DACH2: variants seen among roughly 807,000 people sequenced by gnomAD.
The protein encoded by DACH2 is dachshund homolog 2.
A neutral mutation model predicts 35.8 loss-of-function variants in DACH2; 17 were observed. The observed-to-expected ratio is 0.48, with a 90% CI of 0.33 to 0.71. DACH2 has a LOEUF of 0.71. Ranked by LOEUF, DACH2 falls within the 30% of genes least tolerant of loss-of-function variation. The pLI is 0.02. For synonymous variants in DACH2, 195 were observed against 177.3 expected (o/e 1.10, Z -0.79); for missense variants, 469 against 472.7 (o/e 0.99, Z 0.07).
chrX:86,640,669 A>C (rs1355914339), intron 3 of DACH2, among the ~76,000 whole-genome samples: 2 of 111,053 alleles, frequency 1.8e-5, no homozygotes, highest in East Asian at 5.7e-4. Flanking sequence ...CATGAACTAC[A>C]GCAAGCACTC....
In DACH2 at chrX:86,453,827, G is replaced by C. The variant is rs142645782; in HGVS notation, c.528-60452G>C. On this transcript the variant is annotated intron_variant, in intron 2 of 11. Coordinates refer to ENST00000373125, the MANE Select transcript of DACH2 (RefSeq NM_053281.3). ...CTCATGTACCTTTACAGTTAGTATT[G>C]TTATGTGTGAATTTGAAACTTGTTT... 2.5e-4 allele frequency among the ~76,000 whole-genome samples: 28 copies of C among 110,977 alleles called. 1 individual carries two copies. The East Asian group carries it at 7.1e-3, about 28-fold the overall frequency.
chrX:86,618,852 G>C, intron 3 of DACH2, among the ~76,000 whole-genome samples: 1 of 111,531 alleles, frequency 9.0e-6, no homozygotes, highest in East Asian at 2.8e-4. Flanking sequence ...TGAGAATTTG[G>C]GGAAGGAAGA....
At chrX:86,224,522 C>A (rs1456660431) in intron 1 of DACH2, among the ~76,000 whole-genome samples, 1 of 111,139 alleles carries the variant, frequency 9.0e-6, no homozygotes, top group African/African-American at 3.3e-5. Context: ...ATAGCCATCC[C>A]TATTCTTTTA....
intron 1 of DACH2, among the ~76,000 whole-genome samples, chrX:86,358,431 CCACACACACA>C (rs752012562): frequency 0.017 from 1,531 of 87,501 alleles, 14 homozygotes; most frequent in East Asian, 0.039. Context: ...CCCAGCCCCG[CCACACACACA>C]CACACACACA....
At chrX:86,464,492 G>A (rs2037631023) in intron 2 of DACH2, among the ~76,000 whole-genome samples, 1 of 110,422 alleles carries the variant, frequency 9.1e-6, no homozygotes, top group Non-Finnish European at 1.9e-5. Context: ...ATACCGGGAA[G>A]GGAACATCAC....
chrX:86,631,930 T>G (rs2148388620), intron 3 of DACH2, among the ~76,000 whole-genome samples: 1 of 111,419 alleles, frequency 9.0e-6, no homozygotes, highest in Admixed American at 9.6e-5. Context: ...AGGATAAACT[T>G]TGTTTTAGAG....
At chrX:86,548,389 T>C (rs1569436585) in intron 3 of DACH2, among the ~76,000 whole-genome samples, 1 of 112,280 alleles carries the variant, frequency 8.9e-6, no homozygotes, top group Non-Finnish European at 1.9e-5. Context: ...ACTAAATTTT[T>C]CTTAATAGAA....
rs199909228 is a variant in DACH2 at position 86,346,426 on chromosome X, T to TC, written c.489-30398_489-30397insC. 5.4e-3 allele frequency among the ~76,000 whole-genome samples: 546 copies of TC among 100,934 alleles called. 4 individuals carry two copies. Among genetic ancestry groups the TC allele is most frequent in the African/African-American group, 0.024 (517 of 21,252 alleles). 87.6% of individuals were successfully genotyped at this position (100,934 alleles called of 115,157 possible). A position where few individuals can be genotyped will look rare whatever the true frequency, so the allele number is the denominator to read the frequency against. Reference sequence around the variant, plus strand: ...ATAGATATCTATCCATTCCATGTCATTAAAAAAAATTGATATAAGTTAGAG... The same window carrying TC: ...ATAGATATCTATCCATTCCATGTCATCTAAAAAAAATTGATATAAGTTAGAG... On this transcript the variant is annotated intron_variant, in intron 1 of 11. Transcript: ENST00000373125.
At chrX:86,231,748 A>G (rs2032953214) in intron 1 of DACH2, among the ~76,000 whole-genome samples, 1 of 112,054 alleles carries the variant, frequency 8.9e-6, no homozygotes, top group Admixed American at 9.4e-5. Flanking sequence ...CTGAGTTCTG[A>G]CCAAGAGGCT....
intron 1 of DACH2, among the ~76,000 whole-genome samples, chrX:86,243,113 A>C (rs749294799): frequency 1.8e-5 from 2 of 111,493 alleles, no homozygotes; most frequent in African/African-American, 6.5e-5. Flanking sequence ...CTTGTTCTTC[A>C]TTCTTTCCCA....
chrX:86,422,552 T>C (rs1199004260), intron 2 of DACH2, among the ~76,000 whole-genome samples: 2 of 110,382 alleles, frequency 1.8e-5, no homozygotes, highest in Non-Finnish European at 3.8e-5. Context: ...GGGTTGATGA[T>C]AGTAGGTGTA....
intron 1 of DACH2, among the ~76,000 whole-genome samples, chrX:86,268,438 A>G (rs1263674159): frequency 1.8e-5 from 2 of 111,623 alleles, no homozygotes; most frequent in Non-Finnish European, 3.8e-5. Context: ...CCAATGCCAC[A>G]TGGGAAATCA....
intron 1 of DACH2, among the ~76,000 whole-genome samples, chrX:86,213,235 G>A (rs191429376): frequency 7.3e-4 from 81 of 111,405 alleles, no homozygotes; most frequent in Non-Finnish European, 1.4e-3. Flanking sequence ...GTAGGCCCTC[G>A]CCTATGAATT....
At chrX:86,807,447 G>C (rs2147344434) in intron 7 of DACH2, among the ~76,000 whole-genome samples, 1 of 111,399 alleles carries the variant, frequency 9.0e-6, no homozygotes, top group East Asian at 2.8e-4. Context: ...ACTTTCCCAG[G>C]GTTCTACAAA....
intron 4 of DACH2, among the ~76,000 whole-genome samples, chrX:86,662,341 C>G (rs958852495): frequency 8.9e-6 from 1 of 111,873 alleles, no homozygotes; most frequent in Non-Finnish European, 1.9e-5. Context: ...CGCCTGTAAT[C>G]CCAGCACTTT....
Position 86,814,832 on chromosome X carries a change from A to T in DACH2, c.1682A>T (p.Lys561Ile). 4 of 1,206,070 alleles carry T rather than the reference A, an allele frequency of 3.3e-6. No homozygotes were observed. The highest frequency in any genetic ancestry group is 4.5e-6 in the Non-Finnish European group (4 of 892,915). Residue 561 changes from lysine (K) to isoleucine (I), a missense_variant and splice_region_variant, in exon 10 of 12, where the codon AAA (lysine) becomes ATA (isoleucine). Lys to Ile is a moderately radical substitution (Grantham distance 102). Transcript: ENST00000373125. ...TTSDSGLRML[K>I]DTGIPDIEIE... The stretch of plus-strand genomic sequence containing the variant: ...AGTGACAGTGGCCTGAGGATGTTAA[A>T]AGGTAATGTCTGATTTGGATTTTCA...
In DACH2 at chrX:86,760,787, CT is replaced by C. The variant is rs747710574; in HGVS notation, c.1240+20916del. Among the ~76,000 whole-genome samples, 85 of 102,538 alleles carry C rather than the reference CT, an allele frequency of 8.3e-4. 3 individuals carry two copies. The East Asian group carries it at 9.6e-3, about 12-fold the overall frequency. The allele number at this position is 102,538 out of a possible 115,157, so 89.0% of individuals were successfully genotyped here. On this transcript the variant is annotated intron_variant, in intron 7 of 11. Coordinates refer to ENST00000373125, the MANE Select transcript of DACH2 (RefSeq NM_053281.3). ...ATGTATCTTTGCTTTTTCCTCTGTCCTTTTTTTTTTTCCTGTGTCCTTAGGT... is the reference window on the plus strand; with the variant it reads ...ATGTATCTTTGCTTTTTCCTCTGTCCTTTTTTTTTTCCTGTGTCCTTAGGT...
intron 2 of DACH2, among the ~76,000 whole-genome samples, chrX:86,439,459 C>T (rs1375636976): frequency 9.0e-6 from 1 of 111,487 alleles, no homozygotes; most frequent in Admixed American, 9.6e-5. Flanking sequence ...GATGTTTTAG[C>T]CATAAAATAT....
chrX:86,796,524 A>G (rs186368740), intron 7 of DACH2, among the ~76,000 whole-genome samples: 1 of 112,275 alleles, frequency 8.9e-6, no homozygotes, highest in African/African-American at 3.2e-5. Flanking sequence ...AAATATACCA[A>G]TTTCATAGAA....
Sources: gnomAD v4.1 joint callset for allele counts (sites outside exome capture counted in the v4.1 genomes callset) on GRCh38, gnomAD v4.1.1 for gene constraint, MANE v1.5 for transcripts, NCBI Gene and HGNC (gene_info 2026-07-23, HGNC 2026-07-21) for gene names.